Variants in ACACB observed in about 807,000 individuals in gnomAD.
ACACB encodes the protein acetyl-CoA carboxylase 2.
Under a neutral mutation model 278.8 loss-of-function variants are expected in ACACB, and 209 were observed. The ratio of observed to expected loss-of-function variants is 0.75; its 90% confidence interval spans 0.67 to 0.84. The LOEUF is 0.84. Among genes scored for constraint, ACACB ranks in the 40% least tolerant of loss-of-function variants. The pLI is 0.00. For missense variants in ACACB, 2,850 were observed against 3,269.0 expected (o/e 0.87, Z 3.13); for synonymous variants, 1,174 against 1,285.6 (o/e 0.91, Z 1.86).
At chr12:109,248,237 A>G (rs1345653531) in intron 40 of ACACB, among the ~76,000 whole-genome samples, 1 of 152,222 alleles carries the variant, frequency 6.6e-6, no homozygotes, top group African/African-American at 2.4e-5. Context: ...TCTCATAAAC[A>G]TCTTTATTGC....
At chr12:109,137,134 G>A (rs1262259762) in intron 1 of ACACB, among the ~76,000 whole-genome samples, 3 of 151,904 alleles carry the variant, frequency 2.0e-5, no homozygotes, top group African/African-American at 7.3e-5. Context: ...AATGTGGCAT[G>A]TTACATTGAC....
At position 109,199,458 on chromosome 12, in the gene ACACB, C is replaced by T. The variant is rs138636393; in HGVS notation, c.2684C>T (p.Thr895Ile). ...TCVFEKENDP[T>I]VLRSPSAGKL... Reference sequence around the variant, plus strand: ...GTGTTTGAGAAGGAGAACGATCCTACAGTCCTGAGATCCCCCTCGGCTGGG... The same window carrying T: ...GTGTTTGAGAAGGAGAACGATCCTATAGTCCTGAGATCCCCCTCGGCTGGG... The change falls in exon 18 of 53, where the codon ACA (threonine) becomes ATA (isoleucine). Residue 895 changes from threonine (T) to isoleucine (I), a missense_variant. Thr to Ile is a moderately conservative substitution (Grantham distance 89). Coordinates refer to ENST00000338432, the MANE Select transcript of ACACB (RefSeq NM_001093.4). 1.3e-6 allele frequency: 2 copies of T among 1,556,634 alleles called. No homozygotes were observed. The highest frequency in any genetic ancestry group is 1.4e-5 in the African/African-American group (1 of 71,964).
intron 2 of ACACB, among the ~76,000 whole-genome samples, chr12:109,154,299 G>A (rs1247730345): frequency 6.6e-6 from 1 of 152,228 alleles, no homozygotes; most frequent in East Asian, 1.9e-4. Flanking sequence ...GAAAAGATGA[G>A]AGAAACCAGG....
At chr12:109,221,234 A>G (rs1343718318) in intron 24 of ACACB, among the ~76,000 whole-genome samples, 1 of 152,230 alleles carries the variant, frequency 6.6e-6, no homozygotes, top group Non-Finnish European at 1.5e-5. Flanking sequence ...GTCTCGGTTC[A>G]TTATAATAGG....
intron 1 of ACACB, among the ~76,000 whole-genome samples, chr12:109,122,963 C>T (rs1419284354): frequency 1.3e-5 from 2 of 151,910 alleles, no homozygotes; most frequent in Non-Finnish European, 2.9e-5. Context: ...GGGCGGATCA[C>T]GAGGTCAGGA....
At chr12:109,118,296 A>G (rs1052206359) in intron 1 of ACACB, among the ~76,000 whole-genome samples, 1 of 152,162 alleles carries the variant, frequency 6.6e-6, no homozygotes. Flanking sequence ...TCTGAGACAG[A>G]AATTTGAGTA....
At position 109,266,351 on chromosome 12, in the gene ACACB, G is replaced by A. The variant is rs372784451; in HGVS notation, c.7366G>A (p.Ala2456Thr). The change falls in exon 53 of 53, where the codon GCC (alanine) becomes ACC (threonine). Residue 2456 changes from alanine (A) to threonine (T), a missense_variant. Ala to Thr is a moderately conservative substitution (Grantham distance 58). Around this residue, in one of 3 missense-constraint regions of ACACB, gnomAD observed 579 missense variants for 684.6 expected, o/e 0.85. Transcript: ENST00000338432. ...CCTGCTGTCTACCATGGACAGCCCG[G>A]CCTCCACCTGACCGTGGCCCGCCCA... Reference protein sequence around the residue: ...VHLLSTMDSPAST With the variant: ...VHLLSTMDSPTST 5.9e-5 allele frequency: 94 copies of A among 1,606,744 alleles called. No homozygotes were observed. Among genetic ancestry groups the A allele is most frequent in the Admixed American group, 1.0e-4 (6 of 59,572 alleles).
At chr12:109,143,093 C>A (rs73197464) in intron 2 of ACACB, among the ~76,000 whole-genome samples, 1 of 152,014 alleles carries the variant, frequency 6.6e-6, no homozygotes, top group African/African-American at 2.4e-5. Flanking sequence ...ATATGGTGAA[C>A]GAAGGAGTGA....
chr12:109,189,566 C>T (rs2044789218), intron 13 of ACACB, among the ~76,000 whole-genome samples: 1 of 152,124 alleles, frequency 6.6e-6, no homozygotes, highest in Non-Finnish European at 1.5e-5. Flanking sequence ...TTTCCTGGCA[C>T]CGGTTTCTCA....
At position 109,229,359 on chromosome 12, in the gene ACACB, G is replaced by A. The variant is rs73398065; in HGVS notation, c.4001+1870G>A. ...GACCTAGGCTGAGCTGCTTGTGCAC[G>A]TGGAGTGGGAATTTGAGCCCAGGCC... is the stretch of plus-strand genomic sequence containing the variant. On this transcript the variant is annotated intron_variant, in intron 28 of 52. Transcript: ENST00000338432. 8.8e-3 allele frequency among the ~76,000 whole-genome samples: 1,333 copies of A among 152,166 alleles called. 23 individuals carry two copies. The highest frequency in any genetic ancestry group is 0.03 in the African/African-American group (1,263 of 41,502).
chr12:109,220,909 G>T (rs1327144506), intron 24 of ACACB, among the ~76,000 whole-genome samples: 5 of 152,128 alleles, frequency 3.3e-5, no homozygotes, highest in African/African-American at 1.2e-4. Flanking sequence ...GAAGGCAATG[G>T]TTAGATTTTT....
In ACACB at chr12:109,190,613, C is replaced by T. The variant is rs570088829; in HGVS notation, c.2145-1000C>T. Among the ~76,000 whole-genome samples, 32 of 117,318 alleles carry T rather than the reference C, an allele frequency of 2.7e-4. No homozygotes were observed. The South Asian group carries it at 8.0e-3, about 29-fold the overall frequency. The allele number at this position is 117,318 out of a possible 152,430, so 77.0% of individuals were successfully genotyped here. On this transcript the variant is annotated intron_variant, in intron 13 of 52. Transcript: ENST00000338432. ...TCAAGGGAGAGACAGAGGCGGTGAC[C>T]GATTTTCCCTTTGTTTTTTTTTCTT...
chr12:109,196,166 A>AGGGAGATG (rs762969720), intron 16 of ACACB, among the ~76,000 whole-genome samples: 8 of 152,246 alleles, frequency 5.3e-5, no homozygotes, highest in Non-Finnish European at 1.2e-4. Flanking sequence ...CTCTTCCTGG[A>AGGGAGATG]GGGAGATGTA....
chr12:109,120,755 C>G (rs554877398), intron 1 of ACACB, among the ~76,000 whole-genome samples: 1 of 152,164 alleles, frequency 6.6e-6, no homozygotes, highest in Admixed American at 6.5e-5. Flanking sequence ...GTGCCACACA[C>G]GTGCACACCT....
chr12:109,185,564 A>C lies in ACACB; in HGVS notation c.1819-15A>C. ...GTAGGACTGACAGTCTGTGGGTTGG[A>C]TCTCTTGATTTTAGATCGCCATGGG... On this transcript the variant is annotated splice_polypyrimidine_tract_variant and intron_variant, in intron 11 of 52. Coordinates refer to ENST00000338432, the MANE Select transcript of ACACB (RefSeq NM_001093.4). The C allele has an allele frequency of 1.9e-6, 3 of 1,612,648 alleles. No individual in the cohort carries two copies. Among genetic ancestry groups the C allele is most frequent in the Non-Finnish European group, 1.7e-6 (2 of 1,179,886 alleles).
chr12:109,223,823 A>G lies in ACACB; in HGVS notation c.3801A>G (p.Ile1267Met). 1 of 1,613,644 alleles carries G rather than the reference A, an allele frequency of 6.2e-7. No individual in the cohort carries two copies. Among genetic ancestry groups the G allele is most frequent in the Non-Finnish European group, 8.5e-7 (1 of 1,179,554 alleles). ...CTTTTCATTTCCCTTAGAAATTAAT[A>G]CTTTCGGAAACAACCATCTTCGACG... Reference protein sequence around the residue: ...QFCPENLKKLILSETTIFDVL... With the variant: ...QFCPENLKKLMLSETTIFDVL... Residue 1267 changes from isoleucine to methionine, a missense_variant, in exon 27 of 53, where the codon ATA (isoleucine) becomes ATG (methionine). Transcript: ENST00000338432.
upstream of ACACB, among the ~76,000 whole-genome samples, chr12:109,116,067 G>A (rs2042397680): frequency 6.6e-6 from 1 of 152,176 alleles, no homozygotes; most frequent in African/African-American, 2.4e-5. Context: ...CTCAACCCTA[G>A]CAAGAGCCAG....
chr12:109,204,230 A>G (rs1175823327), intron 19 of ACACB, among the ~76,000 whole-genome samples: 7 of 149,262 alleles, frequency 4.7e-5, no homozygotes, highest in Non-Finnish European at 8.9e-5. Flanking sequence ...GTCGATTTTA[A>G]TTGACTGTAG....
At chr12:109,119,067 G>A (rs2042475086) in intron 1 of ACACB, among the ~76,000 whole-genome samples, 1 of 152,042 alleles carries the variant, frequency 6.6e-6, no homozygotes, top group African/African-American at 2.4e-5. Flanking sequence ...AATAATTATG[G>A]GATCTCACAT....
Sources: allele counts gnomAD v4.1 joint callset (sites outside exome capture counted in the v4.1 genomes callset), GRCh38; gene constraint gnomAD v4.1.1; regional missense constraint gnomAD v4.1.1; transcripts MANE v1.5; gene names NCBI Gene and HGNC (gene_info 2026-07-23, HGNC 2026-07-21).